Variants in PPFIBP1 observed in about 807,000 individuals in gnomAD.
The protein encoded by PPFIBP1 is PPFIB scaffold protein 1.
A neutral mutation model predicts 137.8 loss-of-function variants in PPFIBP1; 112 were observed. The observed-to-expected ratio is 0.81, with a 90% CI of 0.70 to 0.95. PPFIBP1 has a LOEUF of 0.95. Among genes scored for constraint, PPFIBP1 ranks in the 40% least tolerant of loss-of-function variants. PPFIBP1 has a pLI of 0.00. For missense variants in PPFIBP1, 1,083 were observed against 1,196.6 expected (o/e 0.91, Z 1.40); for synonymous variants, 378 against 417.3 (o/e 0.91, Z 1.15).
intron 4 of PPFIBP1, among the ~76,000 whole-genome samples, chr12:27,640,555 AG>A (rs1258951638): frequency 6.6e-6 from 1 of 151,990 alleles, no homozygotes; most frequent in Non-Finnish European, 1.5e-5. Flanking sequence ...ACCTATGACT[AG>A]GGTAATATTA....
At position 27,605,820 on chromosome 12, in the gene PPFIBP1, T is replaced by C. The variant is rs150084822; in HGVS notation, c.-35-27542T>C. ...ATACAGTATATCAATTTTTAAAAAA[T>C]TCCTGATAGCCATTATGAGCCAATG... On this transcript the variant is annotated intron_variant, in intron 2 of 29. Coordinates refer to ENST00000228425, the MANE Select transcript of PPFIBP1 (RefSeq NM_003622.4). Among the ~76,000 whole-genome samples, 689 of 152,268 alleles carry C rather than the reference T, an allele frequency of 4.5e-3. 7 individuals are homozygous for C. The highest frequency in any genetic ancestry group is 0.016 in the African/African-American group (653 of 41,556).
At chr12:27,609,545 G>T (rs546837566) in intron 2 of PPFIBP1, among the ~76,000 whole-genome samples, 1 of 152,024 alleles carries the variant, frequency 6.6e-6, no homozygotes, top group Non-Finnish European at 1.5e-5. Context: ...CATCTTCTCG[G>T]GATCCCTTCT....
chr12:27,565,879 C>A lies in PPFIBP1; in HGVS notation c.-123-12273C>A, dbSNP rs1461658682. 2.0e-5 allele frequency among the ~76,000 whole-genome samples: 3 copies of A among 152,144 alleles called. No individual in the cohort carries two copies. In the East Asian group the frequency reaches 5.8e-4, roughly 29 times the overall value. ...TTTCACCAGCTCATCTTGCTACATC[C>A]TAACCATGTTATTTCTCCATCTTAC... On this transcript the variant is annotated intron_variant, in intron 1 of 29. Transcript: ENST00000228425.
At chr12:27,562,515 G>A (rs1174179248) in intron 1 of PPFIBP1, among the ~76,000 whole-genome samples, 2 of 152,168 alleles carry the variant, frequency 1.3e-5, no homozygotes, top group Non-Finnish European at 2.9e-5. Flanking sequence ...GGCTTGTCCT[G>A]TAAATGTTAG....
In PPFIBP1 at chr12:27,693,636, A is replaced by C. The variant is rs897116737; in HGVS notation, c.*754A>C. 3.9e-5 allele frequency: 6 copies of C among 152,142 alleles called. No homozygotes were observed. Among genetic ancestry groups the C allele is most frequent in the African/African-American group, 1.4e-4 (6 of 41,400 alleles). 9.4% of individuals were successfully genotyped at this position (152,142 alleles called of 1,614,324 possible). ...ATTGTTGAACAGTTTAAGAATTTCA[A>C]CCTTAATCTTGGATCCCTTTACCTC... On this transcript the variant is annotated 3_prime_UTR_variant, in exon 30 of 30. Transcript: ENST00000228425.
chr12:27,666,145 C>T (rs1214306572), intron 12 of PPFIBP1, among the ~76,000 whole-genome samples: 1 of 152,180 alleles, frequency 6.6e-6, no homozygotes, highest in East Asian at 1.9e-4. Context: ...ATTGCACTGG[C>T]ATGATCACTA....
At chr12:27,676,209 T>C (rs1419761312) in intron 17 of PPFIBP1, among the ~76,000 whole-genome samples, 1 of 152,252 alleles carries the variant, frequency 6.6e-6, no homozygotes, top group African/African-American at 2.4e-5. Context: ...ATGAACATGT[T>C]TTCCTTGTTG....
At chr12:27,636,753 A>AAT (rs2057704425) in intron 4 of PPFIBP1, 1 of 99,032 alleles carries the variant, frequency 1.0e-5, no homozygotes, top group African/African-American at 3.3e-5. Context: ...TAAAAACCAC[A>AAT]GTGCTTACTG....
At chr12:27,630,124 G>A (rs4930867) in intron 2 of PPFIBP1, among the ~76,000 whole-genome samples, 48,091 of 151,688 alleles carry the variant, frequency 0.32, 8,174 homozygotes, top group Middle Eastern at 0.38. Context: ...TCTAAAGAAG[G>A]TTGTAAAAGA....
chr12:27,580,294 G>C (rs950661947), intron 2 of PPFIBP1, among the ~76,000 whole-genome samples: 1 of 152,222 alleles, frequency 6.6e-6, no homozygotes, highest in African/African-American at 2.4e-5. Flanking sequence ...GAACTTAAAA[G>C]TATAGAACTA....
At chr12:27,620,548 T>G (rs1338376519) in intron 2 of PPFIBP1, among the ~76,000 whole-genome samples, 1 of 152,176 alleles carries the variant, frequency 6.6e-6, no homozygotes, top group Non-Finnish European at 1.5e-5. Flanking sequence ...GATCAAAACT[T>G]TTAAGTGCCT....
At chr12:27,572,628 A>C (rs993380930) in intron 1 of PPFIBP1, among the ~76,000 whole-genome samples, 2 of 152,336 alleles carry the variant, frequency 1.3e-5, no homozygotes, top group Non-Finnish European at 2.9e-5. Context: ...CCTCGAGGGA[A>C]ATTGACTACA....
chr12:27,695,475 A>G lies in PPFIBP1; in HGVS notation c.*2593A>G, dbSNP rs1010754529. 1 of 152,154 alleles carries G rather than the reference A, an allele frequency of 6.6e-6. No individual in the cohort carries two copies. Among genetic ancestry groups the G allele is most frequent in the Non-Finnish European group, 1.5e-5 (1 of 68,016 alleles). The allele number at this position is 152,154 out of a possible 1,614,324, so 9.4% of individuals were successfully genotyped here. On this transcript the variant is annotated 3_prime_UTR_variant, in exon 30 of 30. Transcript: ENST00000228425. Reference sequence around the variant, plus strand: ...TAACTGATAATAGGTAATAAGGTTAAATTTTTTTATGACGTATTTTATTTA... The same window carrying G: ...TAACTGATAATAGGTAATAAGGTTAGATTTTTTTATGACGTATTTTATTTA...
chr12:27,529,213 G>A (rs1277013047), intron 1 of PPFIBP1, among the ~76,000 whole-genome samples: 2 of 152,166 alleles, frequency 1.3e-5, no homozygotes, highest in Non-Finnish European at 2.9e-5. Context: ...ACACCCTCTG[G>A]ACTCCACAAT....
intron 19 of PPFIBP1, among the ~76,000 whole-genome samples, chr12:27,678,830 C>T (rs1477194153): frequency 7.6e-6 from 1 of 132,160 alleles, no homozygotes; most frequent in Non-Finnish European, 1.5e-5. Flanking sequence ...GCACTCCAGC[C>T]TGGGAAACAG....
At chr12:27,587,842 A>G (rs1049105335) in intron 2 of PPFIBP1, among the ~76,000 whole-genome samples, 3 of 152,132 alleles carry the variant, frequency 2.0e-5, no homozygotes, top group African/African-American at 7.2e-5. Context: ...CTAAGAACCT[A>G]GTCCACATTC....
At chr12:27,598,420 C>A (rs1335796412) in intron 2 of PPFIBP1, among the ~76,000 whole-genome samples, 1 of 152,132 alleles carries the variant, frequency 6.6e-6, no homozygotes, top group East Asian at 1.9e-4. Context: ...AGACCCACCC[C>A]CCATGATTCA....
rs1207786835 is a variant in PPFIBP1 at position 27,646,110 on chromosome 12, G to T, written c.319G>T (p.Ala107Ser). ...GNGDVYQERL[A>S]RLENDKESLV... ...CGGAGATGTGTATCAAGAAAGGCTG[G>T]CACGTTTAGAAAATGATAAAGAATC... Residue 107 changes from alanine to serine, a missense_variant, in exon 5 of 30, where the codon GCA (alanine) becomes TCA (serine). Physicochemically the swap from Ala to Ser is moderately conservative, Grantham distance 99 (BLOSUM62 1). Coordinates refer to ENST00000228425, the MANE Select transcript of PPFIBP1 (RefSeq NM_003622.4). 2 of 1,612,196 alleles carry T rather than the reference G, an allele frequency of 1.2e-6. No individual in the cohort carries two copies. The highest frequency in any genetic ancestry group is 1.7e-5 in the Admixed American group (1 of 60,002).
intron 1 of PPFIBP1, among the ~76,000 whole-genome samples, chr12:27,551,714 G>C (rs1428992172): frequency 6.6e-6 from 1 of 151,972 alleles, no homozygotes; most frequent in African/African-American, 2.4e-5. Context: ...TCAATCACTT[G>C]GCTTTTCATG....
Sources: gnomAD v4.1 joint callset for allele counts (sites outside exome capture counted in the v4.1 genomes callset) on GRCh38, gnomAD v4.1.1 for gene constraint, MANE v1.5 for transcripts, NCBI Gene and HGNC (gene_info 2026-07-23, HGNC 2026-07-21) for gene names.